The following SLC8A1 variants were observed in gnomAD, a reference collection of about 807,000 sequenced individuals.
SLC8A1 encodes sodium/calcium exchanger 1.
In SLC8A1, 18 loss-of-function variants were observed where a neutral mutation model predicts 68.3. The observed-to-expected ratio is 0.26, with a 90% CI of 0.18 to 0.39. The LOEUF is 0.39. SLC8A1 is among the 10% of genes least tolerant of loss of function. The probability of loss-of-function intolerance (pLI) is 1.00; values close to 1 mark genes in which losing one functional copy is unlikely to be tolerated. For missense variants in SLC8A1, 985 were observed against 1,156.7 expected (o/e 0.85, Z 2.15); for synonymous variants, 475 against 415.5 (o/e 1.14, Z -1.74).
intron 2 of SLC8A1, among the ~76,000 whole-genome samples, chr2:40,200,229 T>TAAAA (rs2054022793): frequency 2.5e-5 from 1 of 40,106 alleles, no homozygotes; most frequent in African/African-American, 7.6e-5. Flanking sequence ...TTTTTTTATA[T>TAAAA]ATATATATAA....
rs762266072 is a variant in SLC8A1, at chr2:40,139,474, G to C, written c.2364C>G (p.His788Gln). ...CTTTCAGGCCAATGGTGCAGCCAAA[G>C]TGGGAAGCCAGGTCTCCAATGAAAG... The change falls in exon 7 of 8, where the codon CAC becomes CAG. Residue 788 changes from histidine to glutamine, a missense_variant. Around this residue, in one of 5 missense-constraint regions of SLC8A1, gnomAD observed 144 missense variants for 260.4 expected, o/e 0.55. Transcript: ENST00000406785. 3.0e-5 allele frequency: 49 copies of C among 1,614,190 alleles called. No individual in the cohort carries two copies. In the Middle Eastern group the frequency reaches 4.9e-4, roughly 16 times the overall value.
In SLC8A1 at chr2:40,177,852, C is replaced by T. The variant is rs2048750170; in HGVS notation, c.1812G>A (p.Lys604=). ...GGTCAAATATTCTAATGGTAATGAT[C>T]TTCCTGTGGGAACACAAGACAAAGG... Residue 604 remains lysine (K), a synonymous_variant, in exon 3 of 8, where the codon AAG becomes AAA. Transcript: ENST00000406785. The T allele has an allele frequency of 5.2e-6, 8 of 1,546,292 alleles. No individual in the cohort carries two copies. In the East Asian group the frequency reaches 1.7e-4, roughly 33 times the overall value.
At chr2:40,185,585 G>A (rs2050553521) in intron 2 of SLC8A1, among the ~76,000 whole-genome samples, 1 of 152,028 alleles carries the variant, frequency 6.6e-6, no homozygotes, top group African/African-American at 2.4e-5. Context: ...CTCAAGCTGG[G>A]GACTTAGAGA....
chr2:40,384,485 A>G (rs1682935884), intron 2 of SLC8A1, among the ~76,000 whole-genome samples: 1 of 152,080 alleles, frequency 6.6e-6, no homozygotes, highest in Non-Finnish European at 1.5e-5. Flanking sequence ...GAAAGAAGGT[A>G]CACTATACAT....
chr2:40,374,740 C>G (rs969298349), intron 2 of SLC8A1, among the ~76,000 whole-genome samples: 3 of 151,994 alleles, frequency 2.0e-5, no homozygotes, highest in Admixed American at 1.3e-4. Context: ...TCAGCCTGGC[C>G]TGATACAGCC....
rs939640971 is a variant in SLC8A1 at position 40,324,012 on chromosome 2, C to T, written c.1808+104461G>A. 2.0e-5 allele frequency among the ~76,000 whole-genome samples: 3 copies of T among 148,840 alleles called. No individual in the cohort carries two copies. In the East Asian group the frequency reaches 5.9e-4, roughly 29 times the overall value. ...GCCATTTATATTCCAAATTGCAATG[C>T]TTAGCAAGTTAAAGGTGGGGGGGGG... On this transcript the variant is annotated intron_variant, in intron 2 of 7. Transcript: ENST00000406785.
At chr2:40,205,719 A>G (rs1373083045) in intron 2 of SLC8A1, among the ~76,000 whole-genome samples, 2 of 151,444 alleles carry the variant, frequency 1.3e-5, no homozygotes, top group African/African-American at 4.8e-5. Flanking sequence ...TAACTGGATG[A>G]TGAGATAATC....
At chr2:40,215,077 G>A (rs1037536870) in intron 2 of SLC8A1, among the ~76,000 whole-genome samples, 1 of 152,132 alleles carries the variant, frequency 6.6e-6, no homozygotes, top group African/African-American at 2.4e-5. Flanking sequence ...TTTATTATAT[G>A]TGTAATTTAA....
chr2:40,228,824 G>A (rs906356304), intron 2 of SLC8A1, among the ~76,000 whole-genome samples: 11 of 152,140 alleles, frequency 7.2e-5, no homozygotes, highest in African/African-American at 2.4e-4. Context: ...CAGGGGTGGA[G>A]GAGGGTGGAA....
chr2:40,219,307 C>G (rs1222014467), intron 2 of SLC8A1, among the ~76,000 whole-genome samples: 1 of 152,212 alleles, frequency 6.6e-6, no homozygotes, highest in Admixed American at 6.5e-5. Context: ...AATTCAGAAA[C>G]TGGCTGAGGT....
chr2:40,118,085 A>ACACAG (rs1443152128), intron 7 of SLC8A1, among the ~76,000 whole-genome samples: 2 of 152,210 alleles, frequency 1.3e-5, no homozygotes, highest in African/African-American at 4.8e-5. Context: ...GCACTATGCT[A>ACACAG]CACAGGCAAC....
chr2:40,218,781 C>A (rs1198500336), intron 2 of SLC8A1, among the ~76,000 whole-genome samples: 1 of 151,476 alleles, frequency 6.6e-6, no homozygotes, highest in Non-Finnish European at 1.5e-5. Context: ...AGACCTGTTT[C>A]TTCTATTTTA....
chr2:40,310,980 T>C (rs1329233757), intron 2 of SLC8A1, among the ~76,000 whole-genome samples: 1 of 152,176 alleles, frequency 6.6e-6, no homozygotes, highest in African/African-American at 2.4e-5. Context: ...TACCTGGAGT[T>C]CCTTTACATT....
At chr2:40,325,362 C>A (rs1436193404) in intron 2 of SLC8A1, among the ~76,000 whole-genome samples, 2 of 152,096 alleles carry the variant, frequency 1.3e-5, no homozygotes, top group African/African-American at 4.8e-5. Flanking sequence ...CCCAGCCTGG[C>A]CCAGGGAGCT....
intron 1 of SLC8A1, among the ~76,000 whole-genome samples, chr2:40,508,387 T>C (rs566632086): frequency 3.3e-5 from 5 of 152,052 alleles, no homozygotes; most frequent in African/African-American, 1.2e-4. Flanking sequence ...AGATTTTCCT[T>C]TTTTAGAATA....
intron 2 of SLC8A1, among the ~76,000 whole-genome samples, chr2:40,205,452 T>TGG (rs2055222856): frequency 1.3e-5 from 2 of 152,012 alleles, no homozygotes; most frequent in South Asian, 4.1e-4. Flanking sequence ...TTCCATGGTG[T>TGG]ATATGTACCA....
intron 2 of SLC8A1, among the ~76,000 whole-genome samples, chr2:40,200,883 A>T (rs1240816289): frequency 1.3e-5 from 2 of 151,892 alleles, no homozygotes; most frequent in African/African-American, 4.8e-5. Flanking sequence ...ATATTTATAT[A>T]TGATAAAACT....
At chr2:40,504,580 C>A (rs1413318463) in intron 1 of SLC8A1, among the ~76,000 whole-genome samples, 2 of 151,922 alleles carry the variant, frequency 1.3e-5, no homozygotes, top group Non-Finnish European at 2.9e-5. Flanking sequence ...AATTAATAAC[C>A]AGAATATATA....
chr2:40,372,842 C>T (rs1002525634), intron 2 of SLC8A1, among the ~76,000 whole-genome samples: 2 of 152,056 alleles, frequency 1.3e-5, no homozygotes, highest in African/African-American at 4.8e-5. Context: ...AAGTCATTAT[C>T]TCTGGCTTTG....
Sources: gnomAD v4.1 joint callset for allele counts (sites outside exome capture counted in the v4.1 genomes callset) on GRCh38, gnomAD v4.1.1 for gene constraint, gnomAD v4.1.1 regional missense constraint, MANE v1.5 for transcripts, NCBI Gene and HGNC (gene_info 2026-07-23, HGNC 2026-07-21) for gene names.